The following SHISAL2A variants were observed in gnomAD, a reference collection of about 807,000 sequenced individuals.
SHISAL2A encodes shisa like 2A.
Under a neutral mutation model 11.5 loss-of-function variants are expected in SHISAL2A, and 18 were observed. That is an observed-to-expected ratio of 1.57 (90% CI 1.08 to 2.33). The LOEUF (loss-of-function observed/expected upper bound fraction) is 2.33, where lower values mean the gene tolerates loss of function less well. Ranked by LOEUF, SHISAL2A falls within the 30% of genes most tolerant of loss-of-function variation. The pLI, the probability that SHISAL2A is intolerant of heterozygous loss-of-function variation, is 0.00. For missense variants in SHISAL2A, 261 were observed against 250.9 expected (o/e 1.04, Z -0.27); for synonymous variants, 94 against 99.6 (o/e 0.94, Z 0.34).
downstream of SHISAL2A, among the ~76,000 whole-genome samples, chr1:52,661,561 C>A (rs1691907770): frequency 6.6e-6 from 1 of 152,186 alleles, no homozygotes; most frequent in South Asian, 2.1e-4. Context: ...CTTGCTCGGT[C>A]CCAGAACCCT....
Position 52,656,850 on chromosome 1 carries a change from CA to C in SHISAL2A, c.387del (p.Val130Ter). 1 of 1,614,096 alleles carries C rather than the reference CA, an allele frequency of 6.2e-7. No homozygotes were observed. Among genetic ancestry groups the C allele is most frequent in the Non-Finnish European group, 8.5e-7 (1 of 1,180,016 alleles). On this transcript the variant is annotated frameshift_variant, in exon 3 of 3. Transcript: ENST00000517870. LOFTEE classifies it low-confidence loss of function (END_TRUNC). ...GVNTGMAAEV[P>X]KVSPLQQSYS... ...AACACAGGCATGGCGGCAGAAGTGC[CA>C]AAAGTGAGCCCTCTCCAGCAGAGTT...
In SHISAL2A at chr1:52,633,643, C is replaced by T. The variant is rs766546303; in HGVS notation, c.150C>T (p.Phe50=). 1.9e-6 allele frequency: 3 copies of T among 1,613,210 alleles called. No homozygotes were observed. The highest frequency in any genetic ancestry group is 2.5e-6 in the Non-Finnish European group (3 of 1,179,642). ...KYCCDDPHSF[F]PYEHSYMWWL... is the part of the protein sequence containing the mutation. Reference sequence around the variant, plus strand: ...GCTGCGACGACCCGCACAGCTTCTTCCCCTACGAGCACAGCTACATGTGGT... The same window carrying T: ...GCTGCGACGACCCGCACAGCTTCTTTCCCTACGAGCACAGCTACATGTGGT... The change falls in exon 1 of 3, where the codon TTC becomes TTT. Residue 50 remains phenylalanine, a synonymous_variant. Coordinates refer to ENST00000517870, the MANE Select transcript of SHISAL2A (RefSeq NM_001042693.3). This position sits in a 1 kb window ranked among gnomAD's most constrained non-coding sequence, Gnocchi z 6.4.
chr1:52,634,153 C>A (rs1295298380), intron 1 of SHISAL2A, among the ~76,000 whole-genome samples: 2 of 152,168 alleles, frequency 1.3e-5, no homozygotes, highest in Non-Finnish European at 2.9e-5. Context: ...CCAGCCCCAA[C>A]CTCCTCTTCT....
At chr1:52,665,020 C>A (rs1691984886) in intron 4 of SHISAL2A, among the ~76,000 whole-genome samples, 1 of 152,210 alleles carries the variant, frequency 6.6e-6, no homozygotes. Flanking sequence ...AACTCCCAGG[C>A]TCAAGCAATC....
At chr1:52,651,726 A>G (rs576978089) in intron 2 of SHISAL2A, among the ~76,000 whole-genome samples, 1 of 152,260 alleles carries the variant, frequency 6.6e-6, no homozygotes, top group East Asian at 1.9e-4. Flanking sequence ...CTAGAATTAT[A>G]TCAGTTCCAG....
In SHISAL2A at chr1:52,633,342, CTG is replaced by C; in HGVS notation, c.-150_-149del. ...GCTCGGTCCTCGGGGCCCCGCGCTG[CTG>C]TCTCTGTCTCGGCTTCTCTCGGCCC... On this transcript the variant is annotated 5_prime_UTR_variant, in exon 1 of 3. Transcript: ENST00000517870. This position sits in a 1 kb window ranked among gnomAD's most constrained non-coding sequence, Gnocchi z 6.4. 1 of 700,352 alleles carries C rather than the reference CTG, an allele frequency of 1.4e-6. No individual in the cohort carries two copies. Among genetic ancestry groups the C allele is most frequent in the Middle Eastern group, 4.2e-4 (1 of 2,394 alleles). The allele number at this position is 700,352 out of a possible 1,614,324, so 43.4% of individuals were successfully genotyped here.
intron 2 of SHISAL2A, among the ~76,000 whole-genome samples, chr1:52,655,953 T>G (rs1236127812): frequency 6.6e-6 from 1 of 152,030 alleles, no homozygotes; most frequent in African/African-American, 2.4e-5. Flanking sequence ...GAGAAATGGG[T>G]GGATACCACA....
chr1:52,643,629 C>T (rs11205986), intron 2 of SHISAL2A, among the ~76,000 whole-genome samples: 52,828 of 151,954 alleles, frequency 0.35, 9,319 homozygotes, highest in Middle Eastern at 0.43. Flanking sequence ...CCGAGGCAGG[C>T]GGATCATGAG....
intron 2 of SHISAL2A, among the ~76,000 whole-genome samples, chr1:52,644,031 A>G (rs7536707): frequency 0.011 from 1,723 of 152,270 alleles, 32 homozygotes; most frequent in African/African-American, 0.039. Context: ...GTATTATTAA[A>G]TCCATTTTAC....
At chr1:52,638,442 A>G (rs905826080) in intron 1 of SHISAL2A, among the ~76,000 whole-genome samples, 7 of 152,254 alleles carry the variant, frequency 4.6e-5, no homozygotes, top group Admixed American at 3.9e-4. Context: ...CTAAAGAACT[A>G]AAAAGCCCTA....
At chr1:52,648,645 A>G (rs1691557578) in intron 2 of SHISAL2A, among the ~76,000 whole-genome samples, 1 of 152,120 alleles carries the variant, frequency 6.6e-6, no homozygotes, top group Non-Finnish European at 1.5e-5. Context: ...ATTATAACCC[A>G]GTTTACAGAT....
intron 2 of SHISAL2A, among the ~76,000 whole-genome samples, chr1:52,654,346 AAAAG>A (rs1691743790): frequency 6.6e-6 from 1 of 152,204 alleles, no homozygotes; most frequent in Non-Finnish European, 1.5e-5. Context: ...GTAATACTGA[AAAAG>A]AATAATGAAG....
In SHISAL2A at chr1:52,633,334, C is replaced by T. The variant is rs1691167890; in HGVS notation, c.-160C>T. 3.0e-6 allele frequency: 2 copies of T among 667,782 alleles called. No individual in the cohort carries two copies. Among genetic ancestry groups the T allele is most frequent in the South Asian group, 5.2e-5 (2 of 38,760 alleles). The allele number at this position is 667,782 out of a possible 1,614,324, so 41.4% of individuals were successfully genotyped here. A position where few individuals can be genotyped will look rare whatever the true frequency, so the allele number is the denominator to read the frequency against. On this transcript the variant is annotated 5_prime_UTR_variant, in exon 1 of 3. Coordinates refer to ENST00000517870, the MANE Select transcript of SHISAL2A (RefSeq NM_001042693.3). This position sits in a 1 kb window ranked among gnomAD's most constrained non-coding sequence, Gnocchi z 6.4. ...TGGCCGCCGCTCGGTCCTCGGGGCC[C>T]CGCGCTGCTGTCTCTGTCTCGGCTT...
intron 1 of SHISAL2A, among the ~76,000 whole-genome samples, chr1:52,637,013 T>A (rs2149872836): frequency 6.6e-6 from 1 of 152,310 alleles, no homozygotes; most frequent in Non-Finnish European, 1.5e-5. Flanking sequence ...ACCCCTTCCC[T>A]ACACAGCTCT....
chr1:52,656,194 G>A (rs959631883), intron 2 of SHISAL2A, among the ~76,000 whole-genome samples: 2 of 152,196 alleles, frequency 1.3e-5, no homozygotes, highest in Non-Finnish European at 2.9e-5. Flanking sequence ...AATGTTAAAT[G>A]TTCCTGATAA....
downstream of SHISAL2A, among the ~76,000 whole-genome samples, chr1:52,661,156 AGCCT>A (rs1340008536): frequency 6.6e-6 from 1 of 152,212 alleles, no homozygotes; most frequent in Non-Finnish European, 1.5e-5. Flanking sequence ...CAAGTCCTGA[AGCCT>A]TTGCCATATT....
At chr1:52,666,663 C>T (rs1692019872) in intron 4 of SHISAL2A, among the ~76,000 whole-genome samples, 2 of 151,960 alleles carry the variant, frequency 1.3e-5, no homozygotes, top group South Asian at 2.1e-4. Context: ...ATGGGGTTTA[C>T]GCTGTACCAG....
At chr1:52,664,315 C>G (rs974269826) in intron 4 of SHISAL2A, among the ~76,000 whole-genome samples, 6 of 151,146 alleles carry the variant, frequency 4.0e-5, no homozygotes, top group African/African-American at 4.9e-5. Flanking sequence ...CTCAGCCTCT[C>G]GAATAGCTGG....
downstream of SHISAL2A, among the ~76,000 whole-genome samples, chr1:52,657,370 A>G (rs1691813246): frequency 6.6e-6 from 1 of 152,144 alleles, no homozygotes; most frequent in Admixed American, 6.5e-5. Flanking sequence ...TGTATTTAGG[A>G]GCCCCTGAGA....
Sources: gnomAD v4.1 joint callset for allele counts (sites outside exome capture counted in the v4.1 genomes callset) on GRCh38, gnomAD v4.1.1 for gene constraint, Gnocchi (gnomAD v3.1) non-coding constraint, MANE v1.5 for transcripts, NCBI Gene and HGNC (gene_info 2026-07-23, HGNC 2026-07-21) for gene names.